Variants in MAP3K13 observed in about 807,000 individuals in gnomAD.
The protein encoded by MAP3K13 is mitogen-activated protein kinase kinase kinase 13.
Under a neutral mutation model 104.0 loss-of-function variants are expected in MAP3K13, and 52 were observed. The ratio of observed to expected loss-of-function variants is 0.50; its 90% confidence interval spans 0.40 to 0.63. The LOEUF (loss-of-function observed/expected upper bound fraction) is 0.63, where lower values mean the gene tolerates loss of function less well. Ranked by LOEUF, MAP3K13 falls within the 20% of genes least tolerant of loss-of-function variation. MAP3K13 has a pLI of 0.00. For missense variants in MAP3K13, 914 were observed against 1,218.5 expected (o/e 0.75, Z 3.72); for synonymous variants, 394 against 442.2 (o/e 0.89, Z 1.37).
At chr3:185,396,276 A>C (rs1397727671) in intron 1 of MAP3K13, among the ~76,000 whole-genome samples, 2 of 152,110 alleles carry the variant, frequency 1.3e-5, no homozygotes, top group East Asian at 3.9e-4. Context: ...GAGGCTAAGC[A>C]GGAGAATTGC....
intron 7 of MAP3K13, 34 bp from the exon 8 acceptor site, chr3:185,463,516 G>C: frequency 7.6e-7 from 1 of 1,307,480 alleles, no homozygotes. Flanking sequence ...TGAAACTCCT[G>C]GAATTTATCA....
intron 10 of MAP3K13, among the ~76,000 whole-genome samples, chr3:185,470,995 A>G (rs1717742831): frequency 6.6e-6 from 1 of 152,200 alleles, no homozygotes; most frequent in Admixed American, 6.5e-5. Context: ...TGCCCTTTAA[A>G]GGTATTTTCA....
At position 185,473,102 on chromosome 3, in the gene MAP3K13, C is replaced by T. The variant is rs979026761; in HGVS notation, c.1771C>T (p.Arg591Cys). The T allele has an allele frequency of 3.7e-6, 6 of 1,614,022 alleles. No homozygotes were observed. The highest frequency in any genetic ancestry group is 2.7e-5 in the African/African-American group (2 of 74,888). The change falls in exon 11 of 14, where the codon CGC becomes TGC. Residue 591 changes from arginine to cysteine, a missense_variant. Around this residue, in one of 3 missense-constraint regions of MAP3K13, gnomAD observed 583 missense variants for 737.4 expected, o/e 0.79. Transcript: ENST00000265026. This position sits in a 1 kb window ranked among gnomAD's most constrained non-coding sequence, Gnocchi z 4.9. ...KSRYRSKPRH[R>C]RGNSRGSHSD... ...CCGATATCGAAGCAAACCACGCCAC[C>T]GCCGAGGGAATAGCAGAGGCAGCCA...
At position 185,426,080 on chromosome 3, in the gene MAP3K13, C is replaced by CCTTCTTCTT. The variant is rs71164508; in HGVS notation, c.-85-2405_-85-2397dup. On this transcript the variant is annotated intron_variant, in intron 1 of 13. Transcript: ENST00000265026. ...CTCTCCCTCTCCCTCTCCCTCTTCTCCTTCTTCTTCTTCTTCTTCTGATGG... is the reference window on the plus strand; with the variant it reads ...CTCTCCCTCTCCCTCTCCCTCTTCTCCTTCTTCTTCTTCTTCTTCTTCTTCTTCTGATGG... 1.3e-3 allele frequency among the ~76,000 whole-genome samples: 198 copies of CCTTCTTCTT among 151,132 alleles called. 1 individual carries two copies. Among genetic ancestry groups the CCTTCTTCTT allele is most frequent in the Non-Finnish European group, 1.7e-3 (115 of 67,742 alleles).
intron 2 of MAP3K13, among the ~76,000 whole-genome samples, chr3:185,321,574 T>C (rs1721870657): frequency 6.6e-6 from 1 of 152,220 alleles, no homozygotes; most frequent in Non-Finnish European, 1.5e-5. Flanking sequence ...TTCTTATTTT[T>C]TTATTATAAG....
chr3:185,327,109 A>G (rs1722066565), intron 2 of MAP3K13, among the ~76,000 whole-genome samples: 1 of 152,252 alleles, frequency 6.6e-6, no homozygotes, highest in Middle Eastern at 3.4e-3. Flanking sequence ...CAGGGCGGAC[A>G]CTCTGGGGAA....
At chr3:185,386,601 G>A (rs374410312) in intron 1 of MAP3K13, among the ~76,000 whole-genome samples, 28 of 152,282 alleles carry the variant, frequency 1.8e-4, no homozygotes, top group African/African-American at 4.6e-4. Context: ...ACATGCACGC[G>A]TATGTTCATT....
At chr3:185,328,196 C>A (rs1722110018) in intron 2 of MAP3K13, among the ~76,000 whole-genome samples, 1 of 152,126 alleles carries the variant, frequency 6.6e-6, no homozygotes, top group African/African-American at 2.4e-5. Flanking sequence ...CAAGAACTTT[C>A]TTTCACTAGT....
intron 1 of MAP3K13, among the ~76,000 whole-genome samples, chr3:185,425,039 A>G (rs537755155): frequency 3.9e-5 from 6 of 152,168 alleles, no homozygotes; most frequent in African/African-American, 1.4e-4. Context: ...TAATGTTTGT[A>G]TTTTTTGTAC....
chr3:185,380,138 G>C (rs1180724446), intron 1 of MAP3K13, among the ~76,000 whole-genome samples: 1 of 149,006 alleles, frequency 6.7e-6, no homozygotes, highest in Non-Finnish European at 1.5e-5. Context: ...GTGAGCTGAG[G>C]TTGCGCCATT....
chr3:185,363,615 C>T (rs1054581039), intron 1 of MAP3K13, among the ~76,000 whole-genome samples: 1 of 152,158 alleles, frequency 6.6e-6, no homozygotes, highest in South Asian at 2.1e-4. Context: ...CGGTTCTGCA[C>T]GTTACCTCGG....
At position 185,352,055 on chromosome 3, in the gene MAP3K13, C is replaced by T. The variant is rs550476287; in HGVS notation, c.-86+66412C>T. ...GCAAACATCACTCACTCACTCACATCTCATTGACTAGAACTTAGTCATGTG... is the reference window on the plus strand; with the variant it reads ...GCAAACATCACTCACTCACTCACATTTCATTGACTAGAACTTAGTCATGTG... On this transcript the variant is annotated intron_variant, in intron 2 of 14. Coordinates refer to the MAP3K13 transcript ENST00000424227. Among the ~76,000 whole-genome samples the T allele has an allele frequency of 5.9e-5, 9 of 152,314 alleles. No individual in the cohort carries two copies. In the South Asian group the frequency reaches 1.9e-3, roughly 32 times the overall value.
chr3:185,366,391 A>G (rs769915915), intron 1 of MAP3K13, among the ~76,000 whole-genome samples: 20 of 152,316 alleles, frequency 1.3e-4, no homozygotes, highest in South Asian at 1.0e-3. Flanking sequence ...TAATGCTTCT[A>G]TGAACATTTG....
rs545803303 is a variant in MAP3K13 at position 185,455,008 on chromosome 3, G to T, written c.1278+3613G>T. ...TATGAGATATATATGATATATATGA[G>T]ATATATATGATATATATGAGATATA... On this transcript the variant is annotated intron_variant, in intron 7 of 13. Transcript: ENST00000265026. Among the ~76,000 whole-genome samples the T allele has an allele frequency of 1.0e-3, 25 of 24,530 alleles. 4 individuals are homozygous for T. Among genetic ancestry groups the T allele is most frequent in the East Asian group, 9.0e-3 (10 of 1,116 alleles). 16.1% of individuals were successfully genotyped at this position (24,530 alleles called of 152,430 possible).
chr3:185,478,243 A>C (rs947210648), intron 12 of MAP3K13, among the ~76,000 whole-genome samples: 3 of 152,164 alleles, frequency 2.0e-5, no homozygotes, highest in Admixed American at 6.5e-5. Context: ...CTTCTAGAAT[A>C]AAAGCTGCCT....
Position 185,434,202 on chromosome 3 carries a change from A to G in MAP3K13, c.476-3245A>G, listed in dbSNP as rs149619589. ...TATAAAAATATTCTCATTTGTATCA[A>G]AGAAATATAGAAGGAGTTTCTTCAA... On this transcript the variant is annotated intron_variant, in intron 2 of 13. Transcript: ENST00000265026. Among the ~76,000 whole-genome samples, 1,085 of 152,328 alleles carry G rather than the reference A, an allele frequency of 7.1e-3. 10 individuals carry two copies. The highest frequency in any genetic ancestry group is 0.024 in the African/African-American group (1,014 of 41,592).
At chr3:185,359,953 C>A (rs1173462083), upstream of MAP3K13, among the ~76,000 whole-genome samples, 1 of 149,630 alleles carries the variant, frequency 6.7e-6, no homozygotes, top group Non-Finnish European at 1.5e-5. Flanking sequence ...AAAAAAAAAA[C>A]TCCAAAACAA....
chr3:185,449,320 C>G (rs1047609502), intron 5 of MAP3K13, among the ~76,000 whole-genome samples: 27 of 148,156 alleles, frequency 1.8e-4, no homozygotes, highest in Non-Finnish European at 2.1e-4. Context: ...TTGCAGTGAG[C>G]CAAGATCGCA....
Position 185,395,754 on chromosome 3 carries a change from G to A in MAP3K13, c.-86+32386G>A, listed in dbSNP as rs180702164. ...GGCTGGAGTGCAGTGGTGCAGTCTC[G>A]GCTTTCTGCAACTTCTGCCTCCCAG... On this transcript the variant is annotated intron_variant, in intron 1 of 13. Coordinates refer to ENST00000265026, the MANE Select transcript of MAP3K13 (RefSeq NM_004721.5). 1.1e-3 allele frequency among the ~76,000 whole-genome samples: 167 copies of A among 151,486 alleles called. 2 individuals carry two copies. In the East Asian group the frequency reaches 0.024, roughly 21 times the overall value.
Sources: gnomAD v4.1 joint callset for allele counts (sites outside exome capture counted in the v4.1 genomes callset) on GRCh38, gnomAD v4.1.1 for gene constraint, gnomAD v4.1.1 regional missense constraint, Gnocchi (gnomAD v3.1) non-coding constraint, MANE v1.5 for transcripts, NCBI Gene and HGNC (gene_info 2026-07-23, HGNC 2026-07-21) for gene names.